Variants in NPTXR observed in about 807,000 individuals in gnomAD.
The protein encoded by NPTXR is neuronal pentraxin receptor.
NPTXR carries 12 observed loss-of-function variants against 32.2 expected under a neutral mutation model. The ratio of observed to expected loss-of-function variants is 0.37; its 90% CI spans 0.24 to 0.60. The LOEUF (loss-of-function observed/expected upper bound fraction) is 0.60. Ranked by LOEUF, NPTXR falls within the 20% of genes least tolerant of loss-of-function variation. NPTXR has a pLI of 0.66. For synonymous variants in NPTXR, 323 were observed against 315.8 expected (o/e 1.02, Z -0.24); for missense variants, 612 against 682.9 (o/e 0.90, Z 1.16).
chr22:38,838,337 G>T (rs1033949717), intron 1 of NPTXR, among the ~76,000 whole-genome samples: 3 of 152,042 alleles, frequency 2.0e-5, no homozygotes, highest in Non-Finnish European at 4.4e-5. Context: ...AATGCGTTCA[G>T]CCTCTATCAT....
Position 38,834,600 on chromosome 22 carries a change from T to TCCATCATCCATC in NPTXR, c.625-6089_625-6088insGATGGATGATGG, listed in dbSNP as rs6147622. Reference sequence around the variant, plus strand: ...ACTCATCCATCCATCCATCCATCCATCATCCATCCATCCATCCATCCATCC... The same window carrying TCCATCATCCATC: ...ACTCATCCATCCATCCATCCATCCATCCATCATCCATCCATCCATCCATCCATCCATCCATCC... On this transcript the variant is annotated intron_variant, in intron 1 of 4. Coordinates refer to ENST00000333039, the MANE Select transcript of NPTXR (RefSeq NM_014293.4). This position sits in a 1 kb window ranked among gnomAD's most constrained non-coding sequence, Gnocchi z 4.4. 1.1e-4 allele frequency among the ~76,000 whole-genome samples: 16 copies of TCCATCATCCATC among 147,414 alleles called. No homozygotes were observed. Among genetic ancestry groups the TCCATCATCCATC allele is most frequent in the African/African-American group, 3.8e-4 (15 of 39,962 alleles).
intron 3 of NPTXR, among the ~76,000 whole-genome samples, chr22:38,823,682 G>A (rs1357637740): frequency 6.6e-6 from 1 of 152,188 alleles, no homozygotes; most frequent in Non-Finnish European, 1.5e-5. Flanking sequence ...CCCTGGCTCT[G>A]CCACCAACCC....
At chr22:38,836,394 G>A (rs543459541) in intron 1 of NPTXR, among the ~76,000 whole-genome samples, 5 of 152,300 alleles carry the variant, frequency 3.3e-5, no homozygotes, top group South Asian at 2.1e-4. Context: ...ATTAAGGCTC[G>A]TCCGCGCAAC....
chr22:38,840,140 C>T (rs1480201278), intron 1 of NPTXR, among the ~76,000 whole-genome samples: 1 of 152,140 alleles, frequency 6.6e-6, no homozygotes, highest in Non-Finnish European at 1.5e-5. Flanking sequence ...CAGACCTTCC[C>T]TTCCCTTTTG....
At chr22:38,833,408 C>T (rs78938759) in intron 1 of NPTXR, among the ~76,000 whole-genome samples, 2,280 of 152,330 alleles carry the variant, frequency 0.015, 66 homozygotes, top group African/African-American at 0.052. Context: ...CGGCCCCTCA[C>T]CTCCCCCATC....
intron 1 of NPTXR, among the ~76,000 whole-genome samples, chr22:38,838,465 G>A (rs1054494989): frequency 3.3e-5 from 5 of 151,968 alleles, no homozygotes; most frequent in African/African-American, 9.7e-5. Context: ...CTATCTAGCC[G>A]GTCAGCAGGA....
At chr22:38,832,291 G>A (rs2093117498) in intron 1 of NPTXR, among the ~76,000 whole-genome samples, 1 of 152,196 alleles carries the variant, frequency 6.6e-6, no homozygotes, top group Non-Finnish European at 1.5e-5. Context: ...AGGCTGTGCC[G>A]CGTGGGCTCC....
chr22:38,825,038 C>G (rs1044239762), intron 3 of NPTXR, among the ~76,000 whole-genome samples: 1 of 152,202 alleles, frequency 6.6e-6, no homozygotes, highest in Non-Finnish European at 1.5e-5. Context: ...GACCACCATG[C>G]CTGCAAGGCC....
chr22:38,842,384 C>T (rs1731823152), intron 1 of NPTXR, among the ~76,000 whole-genome samples: 1 of 152,186 alleles, frequency 6.6e-6, no homozygotes, highest in South Asian at 2.1e-4. Flanking sequence ...GTCTGTCTGC[C>T]TTGCACTTCT....
chr22:38,840,763 G>A (rs1423185604), intron 1 of NPTXR, among the ~76,000 whole-genome samples: 2 of 152,108 alleles, frequency 1.3e-5, no homozygotes, highest in African/African-American at 4.8e-5. Flanking sequence ...GGAAGCCTCA[G>A]GGCATGGCTG....
chr22:38,840,247 G>A (rs1044849619), intron 1 of NPTXR, among the ~76,000 whole-genome samples: 1 of 152,096 alleles, frequency 6.6e-6, no homozygotes, highest in Non-Finnish European at 1.5e-5. Context: ...GGGACAGAGT[G>A]TGAACAGGGA....
intron 1 of NPTXR, among the ~76,000 whole-genome samples, chr22:38,836,264 C>T (rs954373785): frequency 2.6e-5 from 4 of 152,168 alleles, no homozygotes; most frequent in Non-Finnish European, 4.4e-5. Context: ...TCCTGTGGCT[C>T]GATCCAGGGA....
chr22:38,827,999 C>T (rs2146193317), intron 2 of NPTXR, among the ~76,000 whole-genome samples: 1 of 152,364 alleles, frequency 6.6e-6, no homozygotes, highest in Middle Eastern at 3.4e-3. Flanking sequence ...CACTTGACTT[C>T]TCTGAGCTTC....
At chr22:38,827,078 CACCTAGGATGCTGGCCCTGAGCCACCAG>C (rs2093108319) in intron 2 of NPTXR, among the ~76,000 whole-genome samples, 1 of 152,096 alleles carries the variant, frequency 6.6e-6, no homozygotes, top group African/African-American at 2.4e-5. Flanking sequence ...TCCTGTGCTC[CACCTAGGATGCTGGCCCTGAGCCACCAG>C]ACCTGTCCCT....
At chr22:38,835,994 C>T (rs1603246307) in intron 1 of NPTXR, among the ~76,000 whole-genome samples, 1 of 152,142 alleles carries the variant, frequency 6.6e-6, no homozygotes, top group African/African-American at 2.4e-5. Flanking sequence ...TGAGTTCATT[C>T]CACCTCCTAC....
chr22:38,843,769 G>T lies in NPTXR; in HGVS notation c.90C>A (p.Ala30=). 2.0e-6 allele frequency: 2 copies of T among 1,003,406 alleles called. No homozygotes were observed. The highest frequency in any genetic ancestry group is 2.4e-6 in the Non-Finnish European group (2 of 843,368). The allele number at this position is 1,003,406 out of a possible 1,614,324, so 62.2% of individuals were successfully genotyped here. The change falls in exon 1 of 5, where the codon GCC becomes GCA. Residue 30 remains alanine, a synonymous_variant. Transcript: ENST00000333039. This position sits in a 1 kb window ranked among gnomAD's most constrained non-coding sequence, Gnocchi z 5.3. ...CGCCGGGCAGCGCCCGCGCCGGGCTGGCCGCCAGGGGCACGCTGGCGATGA... is the reference window on the plus strand; with the variant it reads ...CGCCGGGCAGCGCCCGCGCCGGGCTTGCCGCCAGGGGCACGCTGGCGATGA...
intron 1 of NPTXR, among the ~76,000 whole-genome samples, chr22:38,842,267 C>G (rs1603247002): frequency 2.0e-5 from 3 of 152,256 alleles, no homozygotes; most frequent in African/African-American, 7.2e-5. Context: ...CTCTTTCTCT[C>G]TCTTCCTTCC....
intron 1 of NPTXR, among the ~76,000 whole-genome samples, chr22:38,838,814 C>T (rs1425104468): frequency 6.6e-6 from 1 of 152,098 alleles, no homozygotes; most frequent in Admixed American, 6.5e-5. Flanking sequence ...ATCTCCTGAC[C>T]TCATAATCTG....
chr22:38,822,233 G>A lies in NPTXR; in HGVS notation c.*376C>T. On this transcript the variant is annotated 3_prime_UTR_variant, in exon 5 of 5. Transcript: ENST00000333039. ...TGCATGGGGGACAAGGGGGCGGGCGGCCACCCCCACCACTGAGATAGTGGG... is the reference window on the plus strand; with the variant it reads ...TGCATGGGGGACAAGGGGGCGGGCGACCACCCCCACCACTGAGATAGTGGG... 4.0e-6 allele frequency: 1 copy of A among 252,260 alleles called. No individual in the cohort carries two copies. The highest frequency in any genetic ancestry group is 9.1e-5 in the East Asian group (1 of 11,028). The allele number at this position is 252,260 out of a possible 1,614,324, so 15.6% of individuals were successfully genotyped here.
Sources: allele counts gnomAD v4.1 joint callset (sites outside exome capture counted in the v4.1 genomes callset), GRCh38; gene constraint gnomAD v4.1.1; non-coding constraint Gnocchi (gnomAD v3.1); transcripts MANE v1.5; gene names NCBI Gene and HGNC (gene_info 2026-07-23, HGNC 2026-07-21).